The following PHF20L1 variants were observed in gnomAD, a reference collection of about 807,000 sequenced individuals.
PHF20L1 encodes PHD finger protein 20-like protein 1.
In PHF20L1, 44 loss-of-function variants were observed where a neutral mutation model predicts 125.5. That is an observed-to-expected ratio of 0.35 (90% CI 0.28 to 0.45). PHF20L1 has a LOEUF of 0.45. Among genes scored for constraint, PHF20L1 ranks in the 20% least tolerant of loss-of-function variants. The pLI, the probability that PHF20L1 is intolerant of heterozygous loss-of-function variation, is 1.00. For synonymous variants in PHF20L1, 380 were observed against 403.1 expected, an observed-to-expected ratio of 0.94 and a Z score of 0.69; for missense variants, 1,012 against 1,217.2, an observed-to-expected ratio of 0.83 and a Z score of 2.51.
chr8:132,816,783 A>T, intron 10 of PHF20L1, 105 bp from the exon 11 acceptor site: 1 of 792,798 alleles, frequency 1.3e-6, no homozygotes, highest in South Asian at 1.7e-5. Context: ...TTATAACAAC[A>T]TCAGAGGGAA....
intron 14 of PHF20L1, among the ~76,000 whole-genome samples, chr8:132,830,528 C>G (rs958438514): frequency 6.6e-6 from 1 of 152,008 alleles, no homozygotes; most frequent in Admixed American, 6.6e-5. Context: ...TCTGTCTTTC[C>G]TTTTTCCCAC....
At chr8:132,777,681 T>C (rs1370194583) in intron 1 of PHF20L1, 111 bp from the exon 2 acceptor site, 10 of 566,460 alleles carry the variant, frequency 1.8e-5, no homozygotes, top group Non-Finnish European at 2.8e-5. Context: ...TATTTCATAT[T>C]CTCATGTATT....
At position 132,777,816 on chromosome 8, in the gene PHF20L1, A is replaced by G; in HGVS notation, c.-13A>G. 6.3e-7 allele frequency: 1 copy of G among 1,586,526 alleles called. No individual in the cohort carries two copies. ...GGTAGTGAAAAGAGAATACTGAAGA[A>G]TAGGATCTCAAGATGAGTAAAAAGC... is the stretch of plus-strand genomic sequence containing the variant. On this transcript the variant is annotated 5_prime_UTR_variant, in exon 2 of 21. Coordinates refer to ENST00000395386, the MANE Select transcript of PHF20L1 (RefSeq NM_016018.5).
chr8:132,835,709 G>A (rs565625570), intron 15 of PHF20L1, among the ~76,000 whole-genome samples: 13 of 152,198 alleles, frequency 8.5e-5, no homozygotes, highest in Middle Eastern at 3.4e-3. Context: ...TCACGGTTCC[G>A]GTTTTAAGAA....
intron 6 of PHF20L1, among the ~76,000 whole-genome samples, chr8:132,803,368 A>G (rs915185886): frequency 5.3e-5 from 8 of 151,938 alleles, no homozygotes; most frequent in Non-Finnish European, 7.4e-5. Flanking sequence ...AGGAATAGCA[A>G]TTTGGTAGGT....
chr8:132,839,206 C>T (rs1030171693), intron 17 of PHF20L1, 181 bp from the exon 18 acceptor site: 38 of 573,624 alleles, frequency 6.6e-5, no homozygotes, highest in South Asian at 3.6e-4. Context: ...TGGGCAGGAA[C>T]GCTGAAGGTG....
At chr8:132,792,417 C>T (rs1448907306) in intron 2 of PHF20L1, among the ~76,000 whole-genome samples, 1 of 152,128 alleles carries the variant, frequency 6.6e-6, no homozygotes, top group Non-Finnish European at 1.5e-5. Flanking sequence ...GGCATGTCCA[C>T]CTCAGGAAGT....
At chr8:132,789,209 T>A (rs1831391850) in intron 2 of PHF20L1, among the ~76,000 whole-genome samples, 1 of 152,202 alleles carries the variant, frequency 6.6e-6, no homozygotes, top group South Asian at 2.1e-4. Context: ...GGTCAGTTTC[T>A]GTTCTTATGA....
intron 7 of PHF20L1, 108 bp downstream of exon 7, chr8:132,804,140 GC>G: frequency 1.3e-6 from 1 of 741,952 alleles, no homozygotes; most frequent in Middle Eastern, 3.8e-4. Flanking sequence ...AAATTTGTAG[GC>G]TTTTGACCCT....
chr8:132,812,616 A>G, intron 9 of PHF20L1: 1 of 984,498 alleles, frequency 1.0e-6, no homozygotes, highest in Non-Finnish European at 1.2e-6. Flanking sequence ...CCATTCCCTC[A>G]TTTTCTACTT....
intron 12 of PHF20L1, 151 bp from the exon 13 acceptor site, chr8:132,823,853 G>T (rs235440): frequency 0.31 from 154,809 of 505,134 alleles, 26,247 homozygotes; most frequent in South Asian, 0.45. Flanking sequence ...AAATCTCACC[G>T]CTTTGTTACC....
At chr8:132,823,302 A>G (rs546871342) in intron 12 of PHF20L1, among the ~76,000 whole-genome samples, 1 of 152,144 alleles carries the variant, frequency 6.6e-6, no homozygotes, top group East Asian at 1.9e-4. Flanking sequence ...AGTTTTAAAA[A>G]TGTGTACAGA....
intron 13 of PHF20L1, chr8:132,824,294 G>A (rs1257248213): frequency 5.7e-6 from 2 of 350,544 alleles, no homozygotes; most frequent in Admixed American, 4.7e-5. Flanking sequence ...AGGAACTTTT[G>A]TGTTTATGAT....
intron 14 of PHF20L1, among the ~76,000 whole-genome samples, chr8:132,827,605 G>C (rs1237346933): frequency 6.6e-6 from 1 of 151,900 alleles, no homozygotes; most frequent in Admixed American, 6.6e-5. Context: ...CAAAATATGA[G>C]GGCTAGAGCT....
At chr8:132,845,499 G>A (rs1838345773) in intron 20 of PHF20L1, among the ~76,000 whole-genome samples, 1 of 151,952 alleles carries the variant, frequency 6.6e-6, no homozygotes. Context: ...ATGTGTGTGT[G>A]TATATGTATT....
At position 132,775,396 on chromosome 8, in the gene PHF20L1, C is replaced by CCGGCGGCGGAGGCGG. The variant is rs1554622269; in HGVS notation, c.-277_-263dup. On this transcript the variant is annotated 5_prime_UTR_variant, in exon 1 of 21. Transcript: ENST00000395386. ...GGGCCCGGCGTCGCGTCAGGGCTGG[C>CCGGCGGCGGAGGCGG]CGGCGGCGGAGGCGGCGGCGGCGGC... is the stretch of plus-strand genomic sequence containing the variant. 5.3e-6 allele frequency: 2 copies of CCGGCGGCGGAGGCGG among 379,706 alleles called. No homozygotes were observed. Among genetic ancestry groups the CCGGCGGCGGAGGCGG allele is most frequent in the Non-Finnish European group, 9.2e-6 (2 of 216,644 alleles). The allele number at this position is 379,706 out of a possible 1,614,324, so 23.5% of individuals were successfully genotyped here. A position where few individuals can be genotyped will look rare whatever the true frequency, so the allele number is the denominator to read the frequency against.
chr8:132,815,033 G>A (rs909861282), intron 10 of PHF20L1, 144 bp downstream of exon 10: 1 of 579,452 alleles, frequency 1.7e-6, no homozygotes, highest in Non-Finnish European at 3.0e-6. Context: ...CTATTTCAGG[G>A]GCAAAAACCA....
chr8:132,837,338 G>A (rs1563850627), intron 16 of PHF20L1, among the ~76,000 whole-genome samples: 1 of 152,198 alleles, frequency 6.6e-6, no homozygotes, highest in East Asian at 1.9e-4. Context: ...AGTACTTTAA[G>A]AGATCATTGG....
At chr8:132,817,821 C>T (rs1027464328) in intron 12 of PHF20L1, 2 of 284,054 alleles carry the variant, frequency 7.0e-6, no homozygotes, top group Non-Finnish European at 1.3e-5. Context: ...CTTATTTCTA[C>T]TAAATATAAA....
Sources: gnomAD v4.1 joint callset for allele counts (sites outside exome capture counted in the v4.1 genomes callset) on GRCh38, gnomAD v4.1.1 for gene constraint, MANE v1.5 for transcripts, NCBI Gene and HGNC (gene_info 2026-07-23, HGNC 2026-07-21) for gene names.